CCDC50: variants seen among roughly 807,000 people sequenced by gnomAD.
CCDC50 encodes the protein coiled-coil domain containing 50.
In CCDC50, 54 loss-of-function variants were observed where a neutral mutation model predicts 70.2. That is an observed-to-expected ratio of 0.77 (90% CI 0.62 to 0.96). The LOEUF (loss-of-function observed/expected upper bound fraction) is 0.96, where lower values mean the gene tolerates loss of function less well. Among genes scored for constraint, CCDC50 ranks in the 50% least tolerant of loss-of-function variants. The pLI is 0.00. For missense variants in CCDC50, 558 were observed against 578.7 expected, an observed-to-expected ratio of 0.96 and a Z score of 0.37; for synonymous variants, 216 against 198.8, an observed-to-expected ratio of 1.09 and a Z score of -0.73.
chr3:191,332,090 G>A (rs1261961680), intron 1 of CCDC50, among the ~76,000 whole-genome samples: 1 of 152,206 alleles, frequency 6.6e-6, no homozygotes, highest in African/African-American at 2.4e-5. Context: ...CAGTGAGTGT[G>A]TGCCCGTTTC....
intron 10 of CCDC50, among the ~76,000 whole-genome samples, chr3:191,385,494 T>C (rs1164270807): frequency 2.0e-5 from 3 of 152,172 alleles, no homozygotes; most frequent in Non-Finnish European, 2.9e-5. Flanking sequence ...CACTTTTTAA[T>C]AGGGTTGTTT....
At chr3:191,352,511 A>G (rs116077509) in intron 1 of CCDC50, among the ~76,000 whole-genome samples, 1,537 of 142,394 alleles carry the variant, frequency 0.011, 148 homozygotes, top group African/African-American at 0.037. Context: ...GTGTTTTACA[A>G]ATTGAAGGTG....
intron 1 of CCDC50, among the ~76,000 whole-genome samples, chr3:191,337,742 G>C (rs938534476): frequency 6.6e-6 from 1 of 152,008 alleles, no homozygotes; most frequent in African/African-American, 2.4e-5. Flanking sequence ...AGAGTATGCC[G>C]TATGCCAGCT....
At chr3:191,356,191 A>G (rs538318439) in intron 1 of CCDC50, among the ~76,000 whole-genome samples, 13 of 152,180 alleles carry the variant, frequency 8.5e-5, no homozygotes, top group Non-Finnish European at 1.9e-4. Flanking sequence ...CACGTCCTTA[A>G]AACAGCACTT....
intron 1 of CCDC50, among the ~76,000 whole-genome samples, chr3:191,333,371 GAT>G (rs1224367204): frequency 2.0e-5 from 3 of 152,282 alleles, no homozygotes; most frequent in South Asian, 2.1e-4. Flanking sequence ...AAGGGGGAAA[GAT>G]ATAAAATTAT....
chr3:191,373,081 A>G (rs943110715), intron 5 of CCDC50, among the ~76,000 whole-genome samples: 4 of 151,298 alleles, frequency 2.6e-5, no homozygotes, highest in African/African-American at 9.7e-5. Flanking sequence ...GTGTATAAAT[A>G]TGTGTGTGTG....
At chr3:191,343,443 A>G (rs1399289681) in intron 1 of CCDC50, among the ~76,000 whole-genome samples, 3 of 152,222 alleles carry the variant, frequency 2.0e-5, no homozygotes, top group Admixed American at 2.0e-4. Context: ...TAAGAGTTTA[A>G]TCTTTCTCTA....
rs1713815774 is a variant in CCDC50 at position 191,394,963 on chromosome 3, A to G, written c.*3203A>G. 1 of 152,166 alleles carries G rather than the reference A, an allele frequency of 6.6e-6. No homozygotes were observed. Among genetic ancestry groups the G allele is most frequent in the Admixed American group, 6.5e-5 (1 of 15,282 alleles). 9.4% of individuals were successfully genotyped at this position (152,166 alleles called of 1,614,324 possible). A position where few individuals can be genotyped will look rare whatever the true frequency, so the allele number is the denominator to read the frequency against. On this transcript the variant is annotated 3_prime_UTR_variant, in exon 12 of 12. Transcript: ENST00000392455. ...GTTACTTTACAACCAGCAGCAGCAT[A>G]CCAATAAATTACAAAAGCAGAAAAT...
At chr3:191,331,167 AG>A (rs1717970326) in intron 1 of CCDC50, among the ~76,000 whole-genome samples, 1 of 152,152 alleles carries the variant, frequency 6.6e-6, no homozygotes, top group African/African-American at 2.4e-5. Flanking sequence ...TTGTCTCTAG[AG>A]AAAGAGTGAT....
In CCDC50 at chr3:191,369,911, C is replaced by G. The variant is rs990185752; in HGVS notation, c.331-8C>G. ...ATGTGTATTTCCATTCTCCTCTTGTCTTTGCAGGACATAGCTCGCCTTTTG... is the reference window on the plus strand; with the variant it reads ...ATGTGTATTTCCATTCTCCTCTTGTGTTTGCAGGACATAGCTCGCCTTTTG... On this transcript the variant is annotated splice_region_variant and splice_polypyrimidine_tract_variant and intron_variant, in intron 4 of 11. Coordinates refer to ENST00000392455, the MANE Select transcript of CCDC50 (RefSeq NM_178335.3). 7 of 1,594,898 alleles carry G rather than the reference C, an allele frequency of 4.4e-6. No homozygotes were observed. The highest frequency in any genetic ancestry group is 6.0e-6 in the Non-Finnish European group (7 of 1,163,060).
At chr3:191,358,178 C>G in intron 3 of CCDC50, 54 bp downstream of exon 3, 2 of 1,609,300 alleles carry the variant, frequency 1.2e-6, no homozygotes, top group Non-Finnish European at 1.7e-6. Flanking sequence ...CTCTGTGGAG[C>G]TAGCAACCAG....
intron 7 of CCDC50, 83 bp from the exon 8 acceptor site, chr3:191,380,604 C>G: frequency 4.4e-6 from 6 of 1,353,236 alleles, no homozygotes; most frequent in Non-Finnish European, 6.2e-6. Flanking sequence ...TTTTCAAAAA[C>G]CAGCTTATTT....
intron 4 of CCDC50, among the ~76,000 whole-genome samples, chr3:191,362,700 A>G (rs938940857): frequency 1.3e-5 from 2 of 152,214 alleles, no homozygotes; most frequent in Non-Finnish European, 1.5e-5. Flanking sequence ...GATCAGGGTC[A>G]TCAGTAAACA....
intron 1 of CCDC50, among the ~76,000 whole-genome samples, chr3:191,333,953 A>G (rs1389918931): frequency 1.3e-5 from 2 of 152,140 alleles, no homozygotes; most frequent in Non-Finnish European, 2.9e-5. Flanking sequence ...AAAGAAAGTA[A>G]TTTGTTGCTT....
intron 1 of CCDC50, among the ~76,000 whole-genome samples, chr3:191,336,829 G>A (rs1192505782): frequency 6.6e-6 from 1 of 152,144 alleles, no homozygotes; most frequent in African/African-American, 2.4e-5. Flanking sequence ...TGCAGTGACA[G>A]CTCATTTATC....
At chr3:191,366,201 T>G (rs1712683375) in intron 4 of CCDC50, among the ~76,000 whole-genome samples, 4 of 152,154 alleles carry the variant, frequency 2.6e-5, no homozygotes, top group African/African-American at 9.7e-5. Context: ...ATGATATTTA[T>G]CAATCCCCTA....
intron 1 of CCDC50, among the ~76,000 whole-genome samples, chr3:191,354,666 T>C (rs1174796414): frequency 1.3e-5 from 2 of 152,144 alleles, no homozygotes; most frequent in African/African-American, 2.4e-5. Flanking sequence ...ATGTATATAT[T>C]TCTGTGATGT....
chr3:191,375,667 AGCAACCTTT>A lies in CCDC50; in HGVS notation c.976+79_976+87del, dbSNP rs1713088366. ...ACCAATGAATTTAATAAGTACCTTA[AGCAACCTTT>A]CTTTCTCTCTAGTTCATGCTCATGA... On this transcript the variant is annotated intron_variant, in intron 6 of 11. Transcript: ENST00000392455. 1.6e-5 allele frequency: 23 copies of A among 1,459,780 alleles called. No individual in the cohort carries two copies. In the South Asian group the frequency reaches 2.2e-4, roughly 14 times the overall value. The allele number at this position is 1,459,780 out of a possible 1,614,324, so 90.4% of individuals were successfully genotyped here. A position where few individuals can be genotyped will look rare whatever the true frequency, so the allele number is the denominator to read the frequency against.
intron 1 of CCDC50, among the ~76,000 whole-genome samples, chr3:191,356,199 C>G (rs1370444528): frequency 6.6e-6 from 1 of 152,156 alleles, no homozygotes; most frequent in African/African-American, 2.4e-5. Flanking sequence ...TAAAACAGCA[C>G]TTTACATGAT....
Sources: allele counts gnomAD v4.1 joint callset (sites outside exome capture counted in the v4.1 genomes callset), GRCh38; gene constraint gnomAD v4.1.1; transcripts MANE v1.5; gene names NCBI Gene and HGNC (gene_info 2026-07-23, HGNC 2026-07-21).